Variants in SERPINI1 observed in about 807,000 individuals in gnomAD.
SERPINI1 encodes neuroserpin.
Under a neutral mutation model 41.1 loss-of-function variants are expected in SERPINI1, and 19 were observed. The ratio of observed to expected loss-of-function variants is 0.46; its 90% confidence interval spans 0.32 to 0.68. SERPINI1 has a LOEUF of 0.68. SERPINI1 is among the 30% of genes least tolerant of loss of function. SERPINI1 has a pLI of 0.03. For synonymous variants in SERPINI1, 138 were observed against 156.6 expected (o/e 0.88, Z 0.89); for missense variants, 460 against 479.2 (o/e 0.96, Z 0.37).
At chr3:167,756,057 C>T (rs1442631831) in intron 1 of SERPINI1, among the ~76,000 whole-genome samples, 4 of 151,174 alleles carry the variant, frequency 2.6e-5, no homozygotes, top group African/African-American at 9.7e-5. Flanking sequence ...CTGACCCCTG[C>T]CCCCAACCCC....
Position 167,776,078 on chromosome 3 carries a change from A to G in SERPINI1, c.-18-13033A>G, listed in dbSNP as rs138293206. Among the ~76,000 whole-genome samples, 54 of 152,288 alleles carry G rather than the reference A, an allele frequency of 3.5e-4. No homozygotes were observed. In the East Asian group the frequency reaches 3.7e-3, roughly 10 times the overall value. ...AACAGGCAAGCCCACTGTCTAGGGA[A>G]GAGATCAAACAGTAGGGATTTCTTA... On this transcript the variant is annotated intron_variant, in intron 1 of 8. Transcript: ENST00000446050.
chr3:167,769,113 C>T (rs978449220), intron 1 of SERPINI1, among the ~76,000 whole-genome samples: 11 of 152,262 alleles, frequency 7.2e-5, no homozygotes, highest in African/African-American at 2.6e-4. Flanking sequence ...CCTGCCTCAG[C>T]CTCCCGAGTA....
intron 8 of SERPINI1, 45 bp downstream of exon 8, chr3:167,824,607 G>A: frequency 7.9e-7 from 1 of 1,260,524 alleles, no homozygotes; most frequent in South Asian, 1.2e-5. Context: ...AGGTCACAAA[G>A]AACCTCTTTT....
chr3:167,786,507 C>CAAAAA (rs71176662), intron 1 of SERPINI1, among the ~76,000 whole-genome samples: 8,859 of 75,042 alleles, frequency 0.12, 594 homozygotes, highest in African/African-American at 0.18. Context: ...GACTCCGTCT[C>CAAAAA]AAAAAAAAAA....
chr3:167,797,376 T>C (rs1021549000), intron 5 of SERPINI1, among the ~76,000 whole-genome samples: 5 of 152,208 alleles, frequency 3.3e-5, no homozygotes, highest in Admixed American at 6.5e-5. Flanking sequence ...AGTTTTGCTT[T>C]TGTTGCAATC....
intron 6 of SERPINI1, among the ~76,000 whole-genome samples, chr3:167,815,939 G>A (rs548100979): frequency 1.4e-4 from 22 of 152,282 alleles, no homozygotes; most frequent in African/African-American, 4.6e-4. Context: ...CTTTTAGCAC[G>A]TATGTGGCCT....
intron 1 of SERPINI1, among the ~76,000 whole-genome samples, chr3:167,751,486 A>G (rs532903106): frequency 1.3e-5 from 2 of 152,232 alleles, no homozygotes; most frequent in Non-Finnish European, 1.5e-5. Flanking sequence ...TAAGCAGTCA[A>G]CCGTATCTGT....
At chr3:167,738,711 A>G (rs189258860) in intron 1 of SERPINI1, among the ~76,000 whole-genome samples, 27 of 151,638 alleles carry the variant, frequency 1.8e-4, no homozygotes, top group Admixed American at 6.6e-4. Context: ...TAAAATGGCA[A>G]TTTTTACTGG....
At chr3:167,738,703 A>C (rs1414560788) in intron 1 of SERPINI1, among the ~76,000 whole-genome samples, 1 of 151,700 alleles carries the variant, frequency 6.6e-6, no homozygotes, top group Non-Finnish European at 1.5e-5. Flanking sequence ...ATTCCAGTTA[A>C]AATGGCAATT....
chr3:167,775,128 C>A (rs1026506489), intron 1 of SERPINI1, among the ~76,000 whole-genome samples: 1 of 148,874 alleles, frequency 6.7e-6, no homozygotes, highest in Non-Finnish European at 1.5e-5. Context: ...TCTTTGAATG[C>A]TCTAAAAGTC....
intron 7 of SERPINI1, 37 bp downstream of exon 7, chr3:167,823,109 T>C: frequency 7.1e-7 from 1 of 1,399,930 alleles, no homozygotes; most frequent in Non-Finnish European, 1.0e-6. Flanking sequence ...TCTTCTAGAT[T>C]TGTATTTTTA....
intron 1 of SERPINI1, among the ~76,000 whole-genome samples, chr3:167,752,394 T>G (rs1250080243): frequency 1.3e-5 from 2 of 152,180 alleles, no homozygotes; most frequent in South Asian, 4.1e-4. Flanking sequence ...TCCATCTTAA[T>G]GAAGGACAGC....
intron 1 of SERPINI1, among the ~76,000 whole-genome samples, chr3:167,770,984 G>A (rs984646678): frequency 3.2e-4 from 48 of 152,122 alleles, no homozygotes; most frequent in Non-Finnish European, 5.3e-4. Flanking sequence ...AAAGATGAAG[G>A]ATTCTAGTCT....
intron 6 of SERPINI1, among the ~76,000 whole-genome samples, chr3:167,814,107 A>G (rs938356710): frequency 1.1e-4 from 16 of 152,212 alleles, no homozygotes; most frequent in Non-Finnish European, 1.5e-4. Context: ...CCCAGTCACT[A>G]ACCAACATAT....
chr3:167,794,546 A>T, intron 4 of SERPINI1, 74 bp from the exon 5 acceptor site: 1 of 1,207,456 alleles, frequency 8.3e-7, no homozygotes, highest in Non-Finnish European at 1.2e-6. Context: ...CCAAATATGT[A>T]GTCTTTCATC....
At chr3:167,742,762 A>C (rs187663283) in intron 1 of SERPINI1, among the ~76,000 whole-genome samples, 1 of 152,052 alleles carries the variant, frequency 6.6e-6, no homozygotes, top group Non-Finnish European at 1.5e-5. Flanking sequence ...CTGATGACTA[A>C]AACCATGTTT....
intron 1 of SERPINI1, among the ~76,000 whole-genome samples, chr3:167,756,831 A>C (rs927186189): frequency 1.3e-5 from 2 of 152,256 alleles, no homozygotes; most frequent in Admixed American, 1.3e-4. Flanking sequence ...AAGTATCTAC[A>C]ATATGCAACC....
At chr3:167,822,315 T>A in intron 6 of SERPINI1, among the ~76,000 whole-genome samples, 1 of 152,198 alleles carries the variant, frequency 6.6e-6, no homozygotes, top group East Asian at 1.9e-4. Flanking sequence ...CATATAAATT[T>A]GTGTAAAACA....
intron 1 of SERPINI1, 179 bp downstream of exon 1, chr3:167,736,002 G>T (rs913169879): frequency 1.3e-5 from 2 of 152,208 alleles, no homozygotes; most frequent in African/African-American, 2.4e-5. Context: ...AAGGAAGCTT[G>T]ACTCTGGGTA....
Sources: allele counts gnomAD v4.1 joint callset (sites outside exome capture counted in the v4.1 genomes callset), GRCh38; gene constraint gnomAD v4.1.1; transcripts MANE v1.5; gene names NCBI Gene and HGNC (gene_info 2026-07-23, HGNC 2026-07-21).